LOXL1: variants seen among roughly 807,000 people sequenced by gnomAD.
LOXL1 encodes the protein lysyl oxidase like 1, also known as lysyl oxidase homolog 1.
LOXL1 carries 31 observed loss-of-function variants against 62.2 expected under a neutral mutation model. That is an observed-to-expected ratio of 0.50 (90% CI 0.37 to 0.67). LOXL1 has a LOEUF of 0.67. LOXL1 is among the 30% of genes least tolerant of loss of function. LOXL1 has a pLI of 0.00. For synonymous variants in LOXL1, 403 were observed against 384.4 expected (o/e 1.05, Z -0.56); for missense variants, 775 against 843.4 (o/e 0.92, Z 1.00).
intron 1 of LOXL1, among the ~76,000 whole-genome samples, chr15:73,938,828 C>T (rs963636849): frequency 1.3e-5 from 2 of 152,136 alleles, no homozygotes; most frequent in African/African-American, 2.4e-5. Context: ...CTGCAGTTAG[C>T]CATGTTCACG....
intron 1 of LOXL1, among the ~76,000 whole-genome samples, chr15:73,932,497 G>A (rs1756293213): frequency 6.6e-6 from 1 of 152,152 alleles, no homozygotes; most frequent in Admixed American, 6.5e-5. Flanking sequence ...CTAGATTCTG[G>A]GCACTGGTTG....
intron 5 of LOXL1, among the ~76,000 whole-genome samples, chr15:73,948,944 A>G (rs2068765560): frequency 6.6e-6 from 1 of 152,222 alleles, no homozygotes; most frequent in South Asian, 2.1e-4. Context: ...CCAACATTTA[A>G]AAGTGTTGTA....
At position 73,927,745 on chromosome 15, in the gene LOXL1, A is replaced by C; in HGVS notation, c.962A>C (p.Tyr321Ser). 6.9e-7 allele frequency: 1 copy of C among 1,455,178 alleles called. No homozygotes were observed. The highest frequency in any genetic ancestry group is 9.0e-7 in the Non-Finnish European group (1 of 1,110,132). The allele number at this position is 1,455,178 out of a possible 1,614,324, so 90.1% of individuals were successfully genotyped here. A position where few individuals can be genotyped will look rare whatever the true frequency, so the allele number is the denominator to read the frequency against. The change falls in exon 1 of 7, where the codon TAC becomes TCC. Residue 321 changes from tyrosine (Y) to serine (S), a missense_variant. Tyr to Ser is a moderately radical substitution (Grantham distance 144). Transcript: ENST00000261921. ...TACGCCAACCCGCCGCCCGAGGCGT[A>C]CGGGCCGCCGCGCGCGCTGGAGCCG... ...PPYANPPPEAYGPPRALEPPY... is the reference protein window; with the variant it reads ...PPYANPPPEASGPPRALEPPY...
rs1156344620 is a variant in LOXL1 at position 73,926,924 on chromosome 15, C to A, written c.141C>A (p.Asn47Lys). ...GGCGGCAGCTGATCCAGTGGGAGAA[C>A]AACGGGCAGGTGTACAGCTTGCTCA... is the stretch of plus-strand genomic sequence containing the variant. ...ARWRQLIQWE[N>K]NGQVYSLLNS... is the part of the protein sequence containing the mutation. Residue 47 changes from asparagine to lysine, a missense_variant, in exon 1 of 7, where the codon AAC becomes AAA. Coordinates refer to ENST00000261921, the MANE Select transcript of LOXL1 (RefSeq NM_005576.4). 3.2e-6 allele frequency: 5 copies of A among 1,571,170 alleles called. No individual in the cohort carries two copies. The highest frequency in any genetic ancestry group is 1.9e-5 in the Admixed American group (1 of 53,066).
intron 1 of LOXL1, 104 bp downstream of exon 1, chr15:73,927,989 G>A (rs2068603601): frequency 1.8e-6 from 2 of 1,092,152 alleles, no homozygotes. Context: ...AGGCCTCCCC[G>A]GAGCTGCTAA....
chr15:73,951,643 G>C (rs1220195661), intron 6 of LOXL1, among the ~76,000 whole-genome samples, 188 bp from the exon 7 acceptor site: 1 of 152,218 alleles, frequency 6.6e-6, no homozygotes, highest in African/African-American at 2.4e-5. Flanking sequence ...CCCTGGGTGG[G>C]TGGGAGTCCA....
rs1309859616 is a variant in LOXL1, at chr15:73,945,046, G to A, written c.1212-1371G>A. ...CAGCTAAAGAGGGGAGGGGCCTTCAGCCACCCCTTCCTGTTCCTACCACAC... is the reference window on the plus strand; with the variant it reads ...CAGCTAAAGAGGGGAGGGGCCTTCAACCACCCCTTCCTGTTCCTACCACAC... On this transcript the variant is annotated intron_variant, in intron 2 of 6. Coordinates refer to ENST00000261921, the MANE Select transcript of LOXL1 (RefSeq NM_005576.4). This position sits in a 1 kb window ranked among gnomAD's most constrained non-coding sequence, Gnocchi z 4.3. Among the ~76,000 whole-genome samples, 1 of 152,162 alleles carries A rather than the reference G, an allele frequency of 6.6e-6. No individual in the cohort carries two copies. The highest frequency in any genetic ancestry group is 6.5e-5 in the Admixed American group (1 of 15,272).
At chr15:73,937,137 G>A (rs929387012) in intron 1 of LOXL1, among the ~76,000 whole-genome samples, 4 of 152,172 alleles carry the variant, frequency 2.6e-5, no homozygotes, top group Non-Finnish European at 4.4e-5. Flanking sequence ...TTGTCCTCCG[G>A]TTCCCGAGGG....
intron 1 of LOXL1, among the ~76,000 whole-genome samples, chr15:73,938,322 G>T (rs1168334405): frequency 4.9e-3 from 284 of 58,498 alleles, no homozygotes; most frequent in African/African-American, 0.016. Flanking sequence ...TATCTAGGTA[G>T]ATAGATAGAA....
chr15:73,948,079 G>A (rs1304812648), intron 5 of LOXL1, among the ~76,000 whole-genome samples, 177 bp downstream of exon 5: 1 of 152,216 alleles, frequency 6.6e-6, no homozygotes, highest in Non-Finnish European at 1.5e-5. Context: ...TTAGGTCTCA[G>A]GCTGACATAG....
rs1420959892 is a variant in LOXL1 at position 73,926,918 on chromosome 15, G to A, written c.135G>A (p.Trp45Ter). 1 of 1,570,748 alleles carries A rather than the reference G, an allele frequency of 6.4e-7. No individual in the cohort carries two copies. Among genetic ancestry groups the A allele is most frequent in the Non-Finnish European group, 8.6e-7 (1 of 1,159,200 alleles). ...CCCGCTGGCGGCAGCTGATCCAGTG[G>A]GAGAACAACGGGCAGGTGTACAGCT... ...DPARWRQLIQWENNGQVYSLL... is the reference protein window; with the variant it reads ...DPARWRQLIQ Residue 45 changes from tryptophan to a stop codon, truncating the protein, a stop_gained, in exon 1 of 7, where the codon TGG becomes TGA. Transcript: ENST00000261921. LOFTEE classifies it high-confidence loss of function.
intron 6 of LOXL1, among the ~76,000 whole-genome samples, chr15:73,950,660 G>A (rs565633616): frequency 6.7e-6 from 1 of 148,394 alleles, no homozygotes; most frequent in Admixed American, 7.4e-5. Flanking sequence ...CCAGTGTGTA[G>A]CCAGGCTCAG....
chr15:73,952,096 A>G lies in LOXL1; in HGVS notation c.*259A>G, dbSNP rs1041554630. The G allele has an allele frequency of 8.0e-5, 31 of 385,916 alleles. No homozygotes were observed. Among genetic ancestry groups the G allele is most frequent in the African/African-American group, 6.0e-4 (29 of 48,350 alleles). 23.9% of individuals were successfully genotyped at this position (385,916 alleles called of 1,614,324 possible). ...TATACTTTGGCCATACCACAGAGCT[A>G]GATTGCCCAGGTCTGGGCTGAATAA... On this transcript the variant is annotated 3_prime_UTR_variant, in exon 7 of 7. Transcript: ENST00000261921.
chr15:73,946,223 CG>C, intron 2 of LOXL1, 193 bp from the exon 3 acceptor site: 2 of 572,286 alleles, frequency 3.5e-6, no homozygotes, highest in South Asian at 4.3e-5. Flanking sequence ...CAGGATTTCA[CG>C]GGGTCAGAAG....
Position 73,926,850 on chromosome 15 carries a change from G to A in LOXL1, c.67G>A (p.Val23Met). The change falls in exon 1 of 7, where the codon GTG becomes ATG. Residue 23 changes from valine to methionine, a missense_variant. Transcript: ENST00000261921. ...GTGGGGCGCCTGCCTGTGCGTGCTG[G>A]TGCACGGGCAGCAGGCGCAGCCCGG... The part of the protein sequence containing the change: ...LVWGACLCVL[V>M]HGQQAQPGQG... 6.5e-7 allele frequency: 1 copy of A among 1,544,010 alleles called. No individual in the cohort carries two copies. Among genetic ancestry groups the A allele is most frequent in the Non-Finnish European group, 8.7e-7 (1 of 1,143,966 alleles).
chr15:73,946,461 T>C lies in LOXL1; in HGVS notation c.1256T>C (p.Leu419Pro), dbSNP rs199824461. The C allele has an allele frequency of 6.2e-7, 1 of 1,612,212 alleles. No homozygotes were observed. Among genetic ancestry groups the C allele is most frequent in the Non-Finnish European group, 8.5e-7 (1 of 1,179,202 alleles). The change falls in exon 3 of 7, where the codon CTA (leucine) becomes CCA (proline). Residue 419 changes from leucine (L) to proline (P), a missense_variant. Leu to Pro is a moderately conservative substitution (Grantham distance 98). Transcript: ENST00000261921. ...PEATDYDVRV[L>P]LRFPQRVKNQ... is the part of the protein sequence containing the mutation. Reference sequence around the variant, plus strand: ...GCCACCGACTACGATGTGCGGGTGCTACTGCGCTTCCCCCAGCGCGTGAAG... The same window carrying C: ...GCCACCGACTACGATGTGCGGGTGCCACTGCGCTTCCCCCAGCGCGTGAAG...
Position 73,927,666 on chromosome 15 carries a change from C to G in LOXL1, c.883C>G (p.Pro295Ala). 3 of 1,486,388 alleles carry G rather than the reference C, an allele frequency of 2.0e-6. No homozygotes were observed. Among genetic ancestry groups the G allele is most frequent in the South Asian group, 1.3e-5 (1 of 78,924 alleles). The allele number at this position is 1,486,388 out of a possible 1,614,324, so 92.1% of individuals were successfully genotyped here. ...GFEQAYPDPG[P>A]EAAQAHGGDP... is the part of the protein sequence containing the mutation. Reference sequence around the variant, plus strand: ...CGAGCAGGCCTACCCTGACCCCGGTCCCGAGGCGGCGCAGGCCCATGGCGG... The same window carrying G: ...CGAGCAGGCCTACCCTGACCCCGGTGCCGAGGCGGCGCAGGCCCATGGCGG... The change falls in exon 1 of 7, where the codon CCC becomes GCC. Residue 295 changes from proline to alanine, a missense_variant. By Grantham distance (27) the Pro-to-Ala change is conservative. Transcript: ENST00000261921.
intron 2 of LOXL1, among the ~76,000 whole-genome samples, chr15:73,943,619 C>G (rs2068729552): frequency 6.7e-6 from 1 of 149,556 alleles, no homozygotes; most frequent in East Asian, 2.0e-4. Context: ...GATCCTGCCT[C>G]TCGCAGTGTT....
At position 73,927,448 on chromosome 15, in the gene LOXL1, CG is replaced by C. The variant is rs1387433478; in HGVS notation, c.670del (p.Val224SerfsTer203). On this transcript the variant is annotated frameshift_variant, in exon 1 of 7. Coordinates refer to ENST00000261921, the MANE Select transcript of LOXL1 (RefSeq NM_005576.4). LOFTEE classifies it high-confidence loss of function. ...VGAGAAAVAS[A>X]GVIYPYQPRA... is the part of the protein sequence containing the mutation. The stretch of plus-strand genomic sequence containing the variant: ...GCGGGGGCGGCGGCCGTGGCCTCGG[CG>C]GGGGTCATCTACCCCTACCAGCCCC... 1.5e-5 allele frequency: 22 copies of C among 1,451,538 alleles called. No individual in the cohort carries two copies. Among genetic ancestry groups the C allele is most frequent in the Non-Finnish European group, 1.8e-5 (20 of 1,104,366 alleles). 89.9% of individuals were successfully genotyped at this position (1,451,538 alleles called of 1,614,324 possible).
Sources: allele counts gnomAD v4.1 joint callset (sites outside exome capture counted in the v4.1 genomes callset), GRCh38; gene constraint gnomAD v4.1.1; non-coding constraint Gnocchi (gnomAD v3.1); transcripts MANE v1.5; gene names NCBI Gene and HGNC (gene_info 2026-07-23, HGNC 2026-07-21).